HLF: variants seen among roughly 807,000 people sequenced by gnomAD.
HLF encodes the protein hepatic leukemia factor.
Under a neutral mutation model 22.6 loss-of-function variants are expected in HLF, and 3 were observed. The ratio of observed to expected loss-of-function variants is 0.13; its 90% confidence interval spans 0.06 to 0.34. The LOEUF is 0.34. Among genes scored for constraint, HLF ranks in the 10% least tolerant of loss-of-function variants. The pLI, the probability that HLF is intolerant of heterozygous loss-of-function variation, is 1.00. For synonymous variants in HLF, 151 were observed against 151.8 expected, an observed-to-expected ratio of 0.99 and a Z score of 0.04; for missense variants, 299 against 389.2, an observed-to-expected ratio of 0.77 and a Z score of 1.95.
intron 2 of HLF, among the ~76,000 whole-genome samples, chr17:55,296,517 A>T (rs1182352501): frequency 6.6e-6 from 1 of 152,188 alleles, no homozygotes; most frequent in East Asian, 1.9e-4. Context: ...ATGTATATGC[A>T]TACAATACAT....
chr17:55,273,509 C>A (rs909954622), intron 2 of HLF: 2 of 152,256 alleles, frequency 1.3e-5, no homozygotes, highest in Non-Finnish European at 2.9e-5. Flanking sequence ...CCAACACTTA[C>A]AGCCTGACCT....
chr17:55,299,144 G>A (rs756362138), intron 2 of HLF, among the ~76,000 whole-genome samples: 2 of 152,218 alleles, frequency 1.3e-5, no homozygotes, highest in Admixed American at 6.5e-5. Context: ...ATTGCTCACC[G>A]TACCCCAAAT....
At chr17:55,308,971 A>G (rs1904708262) in intron 2 of HLF, among the ~76,000 whole-genome samples, 1 of 152,222 alleles carries the variant, frequency 6.6e-6, no homozygotes, top group Non-Finnish European at 1.5e-5. Context: ...TAATGACAGA[A>G]GTGCTACAGA....
chr17:55,277,568 G>C (rs2080916763), intron 2 of HLF, among the ~76,000 whole-genome samples: 1 of 151,800 alleles, frequency 6.6e-6, no homozygotes, highest in Non-Finnish European at 1.5e-5. Context: ...GTGTGTGTGT[G>C]TGTTTCATAT....
chr17:55,319,474 T>G (rs986778085), intron 3 of HLF, among the ~76,000 whole-genome samples: 3 of 152,116 alleles, frequency 2.0e-5, no homozygotes, highest in African/African-American at 7.2e-5. Flanking sequence ...GGTGCCACCA[T>G]CAGTGAATTG....
chr17:55,283,461 G>A (rs551899513), intron 2 of HLF: 7 of 152,436 alleles, frequency 4.6e-5, no homozygotes, highest in East Asian at 1.9e-4. Flanking sequence ...AGCAGGTTTG[G>A]AAGATCCTTT....
intron 2 of HLF, among the ~76,000 whole-genome samples, chr17:55,288,125 C>CT (rs1213752971): frequency 1.3e-5 from 2 of 152,062 alleles, no homozygotes; most frequent in African/African-American, 2.4e-5. Context: ...TTTCTCGTGA[C>CT]TGTTTCACTA....
At chr17:55,306,324 T>C (rs1904546822) in intron 2 of HLF, among the ~76,000 whole-genome samples, 1 of 152,240 alleles carries the variant, frequency 6.6e-6, no homozygotes, top group African/African-American at 2.4e-5. Flanking sequence ...CAACAGACTC[T>C]TTTCCTAATG....
chr17:55,315,148 C>A, intron 2 of HLF, 79 bp from the exon 3 acceptor site: 1 of 1,010,004 alleles, frequency 9.9e-7, no homozygotes, highest in Non-Finnish European at 1.6e-6. Context: ...TCTTACCACT[C>A]ATCTCAGAGC....
intron 2 of HLF, among the ~76,000 whole-genome samples, chr17:55,290,216 A>C (rs2081047707): frequency 6.6e-6 from 1 of 152,158 alleles, no homozygotes; most frequent in Non-Finnish European, 1.5e-5. Context: ...CTAGAAATAG[A>C]TCTACCATAT....
At chr17:55,281,229 C>T (rs761118985) in intron 2 of HLF, among the ~76,000 whole-genome samples, 6 of 152,172 alleles carry the variant, frequency 3.9e-5, no homozygotes, top group Non-Finnish European at 8.8e-5. Context: ...ATCTCTGAGT[C>T]GCGGCCAGGC....
intron 2 of HLF, among the ~76,000 whole-genome samples, chr17:55,290,412 G>T (rs963702733): frequency 6.6e-6 from 1 of 152,102 alleles, no homozygotes; most frequent in East Asian, 1.9e-4. Context: ...ATATTGTGGT[G>T]GTTCTAGCAA....
chr17:55,299,748 GA>G (rs1249278036), intron 2 of HLF, among the ~76,000 whole-genome samples: 3 of 150,938 alleles, frequency 2.0e-5, no homozygotes, highest in Non-Finnish European at 3.0e-5. Context: ...CTAATTTTTT[GA>G]AAAATATTTT....
intron 2 of HLF, among the ~76,000 whole-genome samples, chr17:55,274,596 C>T (rs928562762): frequency 6.6e-6 from 1 of 152,172 alleles, no homozygotes; most frequent in African/African-American, 2.4e-5. Context: ...TTTTAGAGCA[C>T]AGAATTGAAT....
Position 55,321,351 on chromosome 17 carries a change from A to G in HLF, c.*472A>G, listed in dbSNP as rs1369197424. 1 of 241,150 alleles carries G rather than the reference A, an allele frequency of 4.1e-6. No individual in the cohort carries two copies. Among genetic ancestry groups the G allele is most frequent in the Non-Finnish European group, 8.2e-6 (1 of 122,202 alleles). 14.9% of individuals were successfully genotyped at this position (241,150 alleles called of 1,614,324 possible). On this transcript the variant is annotated 3_prime_UTR_variant, in exon 4 of 4. Coordinates refer to ENST00000226067, the MANE Select transcript of HLF (RefSeq NM_002126.5). ...AAGCTCTTGTTTCTGTTTAGTCCGT[A>G]AGTTACCATGCTAATGAGGTGCACA... is the stretch of plus-strand genomic sequence containing the variant.
At position 55,294,430 on chromosome 17, in the gene HLF, A is replaced by G. The variant is rs1598399568; in HGVS notation, c.452-20797A>G. On this transcript the variant is annotated intron_variant, in intron 2 of 3. Transcript: ENST00000226067. ...TTGGAGGCATTCAGTGTTCACCTCCATGTGCTTTTCAGAGACATACCTGGT... is the reference window on the plus strand; with the variant it reads ...TTGGAGGCATTCAGTGTTCACCTCCGTGTGCTTTTCAGAGACATACCTGGT... 2.6e-5 allele frequency among the ~76,000 whole-genome samples: 4 copies of G among 152,344 alleles called. No individual in the cohort carries two copies. The East Asian group carries it at 5.8e-4, about 22-fold the overall frequency.
At chr17:55,297,185 G>A (rs1253901596) in intron 2 of HLF, among the ~76,000 whole-genome samples, 1 of 152,156 alleles carries the variant, frequency 6.6e-6, no homozygotes, top group South Asian at 2.1e-4. Flanking sequence ...TCTTTATTAA[G>A]ATAATGTATG....
chr17:55,317,128 C>T (rs555600132), intron 3 of HLF, among the ~76,000 whole-genome samples: 52 of 152,080 alleles, frequency 3.4e-4, no homozygotes, highest in African/African-American at 9.6e-4. Flanking sequence ...CCACCACGCC[C>T]GGCTAATTTT....
chr17:55,265,703 C>G, intron 1 of HLF, 104 bp downstream of exon 1: 1 of 1,091,404 alleles, frequency 9.2e-7, no homozygotes, highest in Non-Finnish European at 1.2e-6. Context: ...CGCTCCCGCC[C>G]TGTCCCGCGG....
Sources: gnomAD v4.1 joint callset for allele counts (sites outside exome capture counted in the v4.1 genomes callset) on GRCh38, gnomAD v4.1.1 for gene constraint, MANE v1.5 for transcripts, NCBI Gene and HGNC (gene_info 2026-07-23, HGNC 2026-07-21) for gene names.